Variants in PTCHD4 observed in about 807,000 individuals in gnomAD.
The protein encoded by PTCHD4 is patched domain-containing protein 4.
A neutral mutation model predicts 58.1 loss-of-function variants in PTCHD4; 33 were observed. The observed-to-expected ratio is 0.57, with a 90% CI of 0.43 to 0.76. PTCHD4 has a LOEUF of 0.76. Ranked by LOEUF, PTCHD4 falls within the 30% of genes least tolerant of loss-of-function variation. The pLI, the probability that PTCHD4 is intolerant of heterozygous loss-of-function variation, is 0.00. For missense variants in PTCHD4, 1,058 were observed against 1,027.1 expected, an observed-to-expected ratio of 1.03 and a Z score of -0.41; for synonymous variants, 478 against 409.6, an observed-to-expected ratio of 1.17 and a Z score of -2.02.
chr6:48,078,893 C>A (rs1274682463), intron 1 of PTCHD4, among the ~76,000 whole-genome samples: 1 of 151,912 alleles, frequency 6.6e-6, no homozygotes, highest in Non-Finnish European at 1.5e-5. Flanking sequence ...CGGAGGCGGG[C>A]GGATCACGAG....
rs1763831569 is a variant in PTCHD4, at chr6:47,875,787, A to T, written c.*2516T>A. Among the ~76,000 whole-genome samples, 1 of 151,802 alleles carries T rather than the reference A, an allele frequency of 6.6e-6. No individual in the cohort carries two copies. The highest frequency in any genetic ancestry group is 1.5e-5 in the Non-Finnish European group (1 of 67,864). On this transcript the variant is annotated 3_prime_UTR_variant, in exon 5 of 5. Coordinates refer to ENST00000339488, the MANE Select transcript of PTCHD4 (RefSeq NM_001384253.1). ...ACCATTTCCTCCATGTGCTTTTGAC[A>T]ACTGGCATGCTTGATTCTTTCCCTG... is the stretch of plus-strand genomic sequence containing the variant.
At position 47,867,393 on chromosome 6, in the gene PTCHD4, CA is replaced by C. The variant is rs965146482; in HGVS notation, c.*10909del. Among the ~76,000 whole-genome samples the C allele has an allele frequency of 1.8e-4, 27 of 151,800 alleles. No individual in the cohort carries two copies. Among genetic ancestry groups the C allele is most frequent in the African/African-American group, 6.3e-4 (26 of 41,464 alleles). On this transcript the variant is annotated 3_prime_UTR_variant, in exon 5 of 5. Coordinates refer to ENST00000339488, the MANE Select transcript of PTCHD4 (RefSeq NM_001384253.1). ...TCAGTTTTGGGATCCTTGATTTTAA[CA>C]GTTAAAATTCAAAAATAGAGACTGT...
chr6:47,960,913 T>A (rs1040688892), intron 4 of PTCHD4, among the ~76,000 whole-genome samples: 1 of 147,878 alleles, frequency 6.8e-6, no homozygotes, highest in Non-Finnish European at 1.5e-5. Flanking sequence ...GGGTGATAGA[T>A]GACTAGGAAA....
At chr6:47,939,162 G>T (rs944416245) in intron 4 of PTCHD4, among the ~76,000 whole-genome samples, 1 of 152,172 alleles carries the variant, frequency 6.6e-6, no homozygotes, top group African/African-American at 2.4e-5. Context: ...AGAAAAGGAG[G>T]TCCAAGAACT....
At chr6:47,892,542 C>CT (rs1203875550) in intron 4 of PTCHD4, among the ~76,000 whole-genome samples, 2 of 152,132 alleles carry the variant, frequency 1.3e-5, no homozygotes, top group Non-Finnish European at 2.9e-5. Context: ...CTCTGGAGAT[C>CT]TTTTATCCTA....
intron 4 of PTCHD4, among the ~76,000 whole-genome samples, chr6:47,957,588 T>A (rs1199587115): frequency 2.7e-5 from 4 of 150,890 alleles, no homozygotes; most frequent in Admixed American, 6.6e-5. Flanking sequence ...TTTTTTTATT[T>A]TTTTTATTTT....
chr6:47,957,540 A>G (rs1257041982), intron 4 of PTCHD4, among the ~76,000 whole-genome samples: 2 of 150,842 alleles, frequency 1.3e-5, no homozygotes, highest in Non-Finnish European at 3.0e-5. Flanking sequence ...AAGAAATAGT[A>G]AAATGGGTTT....
intron 1 of PTCHD4, among the ~76,000 whole-genome samples, chr6:48,074,599 A>G (rs1765028101): frequency 6.6e-6 from 1 of 152,218 alleles, no homozygotes; most frequent in African/African-American, 2.4e-5. Context: ...ATCTGGACTC[A>G]CACTGGTGCT....
rs143255687 is a variant in PTCHD4 at position 48,005,500 on chromosome 6, G to A, written c.898+3134C>T. ...TCAAAAACTGGTTTCAACCATTATC[G>A]TGTATACCACCAGCAGATATATATG... On this transcript the variant is annotated intron_variant, in intron 4 of 4. Transcript: ENST00000339488. 2.0e-4 allele frequency among the ~76,000 whole-genome samples: 31 copies of A among 152,204 alleles called. 1 individual carries two copies. In the East Asian group the frequency reaches 5.2e-3, roughly 26 times the overall value.
At chr6:47,999,627 C>A (rs976635326) in intron 4 of PTCHD4, among the ~76,000 whole-genome samples, 1 of 152,140 alleles carries the variant, frequency 6.6e-6, no homozygotes, top group African/African-American at 2.4e-5. Context: ...AATAGACGTG[C>A]ACAACGCAGA....
chr6:47,893,921 C>T (rs1460363111), intron 4 of PTCHD4, among the ~76,000 whole-genome samples: 1 of 152,196 alleles, frequency 6.6e-6, no homozygotes, highest in Non-Finnish European at 1.5e-5. Flanking sequence ...CTAATTGAGG[C>T]ATTCCTTATA....
intron 3 of PTCHD4, among the ~76,000 whole-genome samples, chr6:48,056,591 G>T (rs1010080027): frequency 5.3e-5 from 8 of 152,108 alleles, no homozygotes; most frequent in Non-Finnish European, 1.2e-4. Flanking sequence ...AATGTAACTC[G>T]GGTTTCTTAA....
chr6:48,028,163 G>C (rs111575199), intron 3 of PTCHD4, among the ~76,000 whole-genome samples: 1 of 151,860 alleles, frequency 6.6e-6, no homozygotes, highest in Non-Finnish European at 1.5e-5. Context: ...GCCTGGTCTC[G>C]AACACCTAGC....
At chr6:48,070,293 T>C (rs1330819000) in intron 1 of PTCHD4, among the ~76,000 whole-genome samples, 2 of 152,152 alleles carry the variant, frequency 1.3e-5, no homozygotes, top group Non-Finnish European at 2.9e-5. Flanking sequence ...GTGCACAATT[T>C]CTTAATAACA....
chr6:47,951,053 T>A (rs1340903640), intron 4 of PTCHD4, among the ~76,000 whole-genome samples: 1 of 152,106 alleles, frequency 6.6e-6, no homozygotes, highest in Non-Finnish European at 1.5e-5. Context: ...GATTTTGCAA[T>A]AAATGTGAGC....
At chr6:48,080,871 C>A (rs1312996890) in intron 1 of PTCHD4, among the ~76,000 whole-genome samples, 1 of 152,140 alleles carries the variant, frequency 6.6e-6, no homozygotes, top group Admixed American at 6.5e-5. Flanking sequence ...AGCCTCAGCT[C>A]TCCCGGTATT....
chr6:47,980,780 T>C (rs1361317589), intron 4 of PTCHD4, among the ~76,000 whole-genome samples: 2 of 151,904 alleles, frequency 1.3e-5, no homozygotes, highest in Non-Finnish European at 2.9e-5. Flanking sequence ...ACTACCTATA[T>C]ATTCCCTACT....
At chr6:48,089,194 A>C (rs1396548059) in intron 1 of PTCHD4, among the ~76,000 whole-genome samples, 2 of 152,236 alleles carry the variant, frequency 1.3e-5, no homozygotes, top group African/African-American at 4.8e-5. Context: ...AATAGCAATT[A>C]AATAGTAGTG....
chr6:48,066,148 C>T (rs1764788168), intron 3 of PTCHD4, among the ~76,000 whole-genome samples: 1 of 151,328 alleles, frequency 6.6e-6, no homozygotes, highest in Admixed American at 6.6e-5. Flanking sequence ...CAGACTACTA[C>T]TGCTAAGCCT....
Sources: gnomAD v4.1 joint callset for allele counts (sites outside exome capture counted in the v4.1 genomes callset) on GRCh38, gnomAD v4.1.1 for gene constraint, MANE v1.5 for transcripts, NCBI Gene and HGNC (gene_info 2026-07-23, HGNC 2026-07-21) for gene names.